The following CNTN4 variants were observed in gnomAD, a reference collection of about 807,000 sequenced individuals.
CNTN4 encodes contactin-4.
In CNTN4, 77 loss-of-function variants were observed where a neutral mutation model predicts 122.5. The ratio of observed to expected loss-of-function variants is 0.63; its 90% CI spans 0.52 to 0.76. CNTN4 has a LOEUF of 0.76. CNTN4 is among the 30% of genes least tolerant of loss of function. The pLI, the probability that CNTN4 is intolerant of heterozygous loss-of-function variation, is 0.00. For missense variants in CNTN4, 1,256 were observed against 1,259.1 expected (o/e 1.00, Z 0.04); for synonymous variants, 512 against 447.0 (o/e 1.15, Z -1.83).
chr3:2,929,423 G>T (rs903937977), intron 13 of CNTN4, among the ~76,000 whole-genome samples: 1 of 152,166 alleles, frequency 6.6e-6, no homozygotes, highest in Non-Finnish European at 1.5e-5. Flanking sequence ...AAAAATCCTA[G>T]AATCCTAGGA....
At chr3:3,052,040 G>A (rs950828710) in intron 23 of CNTN4, among the ~76,000 whole-genome samples, 1 of 152,178 alleles carries the variant, frequency 6.6e-6, no homozygotes, top group African/African-American at 2.4e-5. Context: ...AGCAATTTGT[G>A]TTCTAACAAG....
rs539329375 is a variant in CNTN4 at position 2,647,717 on chromosome 3, C to G, written c.55+76159C>G. On this transcript the variant is annotated intron_variant, in intron 4 of 24. Transcript: ENST00000418658. ...ATCTGTAAAAGGGGACATATTTCCT[C>G]ACAAACAGATGCAAACTAAGACAGG... Among the ~76,000 whole-genome samples, 22 of 152,268 alleles carry G rather than the reference C, an allele frequency of 1.4e-4. No homozygotes were observed. The South Asian group carries it at 4.6e-3, about 32-fold the overall frequency.
At chr3:2,645,892 C>G (rs1451330256) in intron 4 of CNTN4, among the ~76,000 whole-genome samples, 1 of 152,174 alleles carries the variant, frequency 6.6e-6, no homozygotes, top group Non-Finnish European at 1.5e-5. Flanking sequence ...GACATACATG[C>G]ACAGAAATGA....
rs534897140 is a variant in CNTN4, at chr3:2,984,246, C to T, written c.1359-4099C>T. Among the ~76,000 whole-genome samples the T allele has an allele frequency of 3.5e-3, 531 of 152,212 alleles. 3 individuals are homozygous for T. Among genetic ancestry groups the T allele is most frequent in the Non-Finnish European group, 3.1e-3 (210 of 68,002 alleles). ...AGGATGGAAATGATGGTGGGGAAAA[C>T]ATTTGAAGAGTGTGAAGCACTTTAA... On this transcript the variant is annotated intron_variant, in intron 13 of 24. Transcript: ENST00000418658.
intron 3 of CNTN4, among the ~76,000 whole-genome samples, chr3:2,377,246 T>C (rs2045856070): frequency 6.6e-6 from 1 of 152,174 alleles, no homozygotes; most frequent in Non-Finnish European, 1.5e-5. Context: ...ATGATGGCAT[T>C]ATTAGTGTTT....
At chr3:2,644,502 C>A (rs2083032850) in intron 4 of CNTN4, among the ~76,000 whole-genome samples, 1 of 151,974 alleles carries the variant, frequency 6.6e-6, no homozygotes, top group South Asian at 2.1e-4. Context: ...TCTTGCCATG[C>A]TTTACCCTGT....
intron 3 of CNTN4, among the ~76,000 whole-genome samples, chr3:2,565,246 C>G (rs570175885): frequency 1.3e-5 from 2 of 152,102 alleles, no homozygotes; most frequent in South Asian, 2.1e-4. Flanking sequence ...TTGCACTGTT[C>G]TATTCATATT....
At chr3:2,569,369 T>C (rs2079320159) in intron 3 of CNTN4, among the ~76,000 whole-genome samples, 1 of 152,174 alleles carries the variant, frequency 6.6e-6, no homozygotes, top group African/African-American at 2.4e-5. Flanking sequence ...AAGCCTGTGT[T>C]TGCTCACAGT....
chr3:2,238,301 A>G (rs978580024), intron 2 of CNTN4, among the ~76,000 whole-genome samples: 1 of 152,128 alleles, frequency 6.6e-6, no homozygotes, highest in Non-Finnish European at 1.5e-5. Context: ...ATTATGGAAT[A>G]TATAGCTAAA....
intron 6 of CNTN4, among the ~76,000 whole-genome samples, chr3:2,750,268 AT>A (rs2090026317): frequency 6.6e-6 from 1 of 152,160 alleles, no homozygotes; most frequent in African/African-American, 2.4e-5. Context: ...CCATGTTACA[AT>A]TTTCAAATCT....
chr3:2,900,850 A>G (rs2151131423), intron 11 of CNTN4, 29 bp downstream of exon 11: 1 of 1,613,456 alleles, frequency 6.2e-7, no homozygotes, highest in East Asian at 2.2e-5. Context: ...ATTGTGCCTT[A>G]GTCTTGACTA....
chr3:2,256,170 C>G (rs1342900656), intron 2 of CNTN4, among the ~76,000 whole-genome samples: 1 of 152,112 alleles, frequency 6.6e-6, no homozygotes, highest in African/African-American at 2.4e-5. Flanking sequence ...CACCTCTATG[C>G]AAATAAACGA....
intron 4 of CNTN4, among the ~76,000 whole-genome samples, chr3:2,617,734 T>C (rs1403106169): frequency 6.6e-6 from 1 of 151,992 alleles, no homozygotes; most frequent in Non-Finnish European, 1.5e-5. Context: ...AGAAATGCCC[T>C]TTTTTTAAAG....
chr3:2,820,908 C>T (rs1456418048), intron 7 of CNTN4, among the ~76,000 whole-genome samples: 1 of 143,778 alleles, frequency 7.0e-6, no homozygotes, highest in Non-Finnish European at 1.5e-5. Context: ...ACTGAAAACC[C>T]AGCTCATAAT....
At chr3:2,405,166 C>T (rs982442510) in intron 3 of CNTN4, among the ~76,000 whole-genome samples, 1 of 152,044 alleles carries the variant, frequency 6.6e-6, no homozygotes. Flanking sequence ...AGTTTCAGAG[C>T]AGGGGCAGGA....
At chr3:2,727,333 G>A (rs149491365) in intron 4 of CNTN4, among the ~76,000 whole-genome samples, 1,589 of 152,308 alleles carry the variant, frequency 0.01, 16 homozygotes, top group African/African-American at 0.036. Flanking sequence ...TTCACATTGA[G>A]TCTATAAATA....
At chr3:2,891,395 C>T (rs1254223173) in intron 10 of CNTN4, among the ~76,000 whole-genome samples, 1 of 151,980 alleles carries the variant, frequency 6.6e-6, no homozygotes, top group East Asian at 1.9e-4. Context: ...TCCAGTGAGC[C>T]GAGGTTGTGC....
Position 2,385,035 on chromosome 3 carries a change from CCT to C in CNTN4, c.-89+45805_-89+45806del, listed in dbSNP as rs1167594970. ...GATCCTCCTTTTCTCTCTTGCTTCG[CCT>C]CTTACTCTTCCTTCCTAACTGGTCT... On this transcript the variant is annotated intron_variant, in intron 3 of 24. Transcript: ENST00000418658. This position sits in a 1 kb window ranked among gnomAD's most constrained non-coding sequence, Gnocchi z 4.0. 6.6e-6 allele frequency among the ~76,000 whole-genome samples: 1 copy of C among 152,034 alleles called. No homozygotes were observed. Among genetic ancestry groups the C allele is most frequent in the African/African-American group, 2.4e-5 (1 of 41,402 alleles).
intron 5 of CNTN4, among the ~76,000 whole-genome samples, chr3:2,737,323 T>C (rs1164095338): frequency 3.3e-5 from 5 of 151,844 alleles, no homozygotes; most frequent in African/African-American, 1.2e-4. Context: ...TCAAGTGATC[T>C]GCCCGCCTCG....
Sources: gnomAD v4.1 joint callset for allele counts (sites outside exome capture counted in the v4.1 genomes callset) on GRCh38, gnomAD v4.1.1 for gene constraint, Gnocchi (gnomAD v3.1) non-coding constraint, MANE v1.5 for transcripts, NCBI Gene and HGNC (gene_info 2026-07-23, HGNC 2026-07-21) for gene names.